Variants in ATP8B4 observed in about 807,000 individuals in gnomAD.
ATP8B4 encodes the protein ATPase phospholipid transporting 8B4 (putative).
In ATP8B4, 133 loss-of-function variants were observed where a neutral mutation model predicts 145.6. The ratio of observed to expected loss-of-function variants is 0.91; its 90% CI spans 0.79 to 1.05. ATP8B4 has a LOEUF of 1.05. Ranked by LOEUF, ATP8B4 falls within the 50% of genes least tolerant of loss-of-function variation. The pLI, the probability that ATP8B4 is intolerant of heterozygous loss-of-function variation, is 0.00. For missense variants in ATP8B4, 1,458 were observed against 1,425.2 expected (o/e 1.02, Z -0.37); for synonymous variants, 507 against 492.9 (o/e 1.03, Z -0.38).
At chr15:49,891,712 T>C (rs2036823247) in intron 23 of ATP8B4, among the ~76,000 whole-genome samples, 1 of 152,194 alleles carries the variant, frequency 6.6e-6, no homozygotes, top group Admixed American at 6.5e-5. Context: ...GAGTTTGTCC[T>C]TTTCATTATT....
chr15:50,086,145 ATATT>A (rs1335776522), intron 2 of ATP8B4, among the ~76,000 whole-genome samples: 1 of 75,494 alleles, frequency 1.3e-5, no homozygotes, highest in Admixed American at 1.8e-4. Flanking sequence ...AAATAGATCT[ATATT>A]TATTATATAT....
intron 1 of ATP8B4, among the ~76,000 whole-genome samples, chr15:50,142,951 T>C (rs2044232097): frequency 6.6e-6 from 1 of 152,218 alleles, no homozygotes; most frequent in Admixed American, 6.5e-5. Flanking sequence ...AGGCTCTGAC[T>C]ATGTATAATG....
At chr15:50,006,017 C>T (rs1025055854) in intron 7 of ATP8B4, among the ~76,000 whole-genome samples, 1 of 151,784 alleles carries the variant, frequency 6.6e-6, no homozygotes, top group Non-Finnish European at 1.5e-5. Context: ...AAAAATAAAC[C>T]AAATACCTCA....
chr15:50,133,005 T>C (rs920750737), intron 1 of ATP8B4, among the ~76,000 whole-genome samples: 1 of 151,856 alleles, frequency 6.6e-6, no homozygotes, highest in Admixed American at 6.6e-5. Context: ...GAATACCTAA[T>C]GTAGATGATG....
intron 24 of ATP8B4, among the ~76,000 whole-genome samples, chr15:49,877,870 T>C (rs1209975383): frequency 1.3e-5 from 2 of 152,162 alleles, no homozygotes; most frequent in African/African-American, 4.8e-5. Flanking sequence ...ACAATAGCAA[T>C]AATGTAGCAA....
chr15:50,028,338 G>C (rs2050166272), intron 6 of ATP8B4, among the ~76,000 whole-genome samples: 1 of 152,124 alleles, frequency 6.6e-6, no homozygotes, highest in African/African-American at 2.4e-5. Flanking sequence ...GCCTAACATG[G>C]AATAAGGAAA....
Position 49,923,475 on chromosome 15 carries a change from C to T in ATP8B4, c.1662G>A (p.Gln554=). 1.2e-6 allele frequency: 2 copies of T among 1,606,958 alleles called. No individual in the cohort carries two copies. Among genetic ancestry groups the T allele is most frequent in the South Asian group, 2.2e-5 (2 of 89,976 alleles). ...CTGCTCCTTTGGAATAAAGCTTTAT[C>T]TGTCCTTCTGGGTTTCGAACTGAAA... ...MSVIVRNPEG[Q]IKLYSKGADT... is the part of the protein sequence containing the mutation. Residue 554 remains glutamine, a synonymous_variant, in exon 17 of 28, where the codon CAG becomes CAA. Coordinates refer to ENST00000284509, the MANE Select transcript of ATP8B4 (RefSeq NM_024837.4).
At chr15:49,895,509 C>A (rs1407400136) in intron 23 of ATP8B4, 1 of 152,060 alleles carries the variant, frequency 6.6e-6, no homozygotes, top group Admixed American at 6.5e-5. Flanking sequence ...TGTAAAAAAA[C>A]AAAAGGGAAA....
intron 13 of ATP8B4, among the ~76,000 whole-genome samples, chr15:49,962,419 G>A (rs1463564780): frequency 1.3e-5 from 2 of 152,112 alleles, no homozygotes; most frequent in Non-Finnish European, 2.9e-5. Context: ...GCAGAACTTT[G>A]CCTATCTTGG....
At chr15:49,964,281 T>C (rs2153512895) in intron 13 of ATP8B4, among the ~76,000 whole-genome samples, 1 of 152,194 alleles carries the variant, frequency 6.6e-6, no homozygotes, top group South Asian at 2.1e-4. Flanking sequence ...TGTTATGCTC[T>C]AGTGGTTACC....
At chr15:50,148,845 T>C (rs757344259) in intron 1 of ATP8B4, among the ~76,000 whole-genome samples, 2 of 152,224 alleles carry the variant, frequency 1.3e-5, no homozygotes, top group Non-Finnish European at 2.9e-5. Context: ...AGTGTTATAA[T>C]TCTGTTGTAG....
Position 49,987,455 on chromosome 15 carries a change from C to A in ATP8B4, c.684G>T (p.Lys228Asn). ...TCAGGATGCAGCCTCTCAGGATTAT[C>A]TTCTCATTGTTGAGGGAATGCTTGC... ...KDSKHSLNNE[K>N]IILRGCILRN... is the part of the protein sequence containing the mutation. The change falls in exon 10 of 28, where the codon AAG becomes AAT. Residue 228 changes from lysine (K) to asparagine (N), a missense_variant. Physicochemically the swap from Lys to Asn is moderately conservative, Grantham distance 94. Transcript: ENST00000284509. 6.2e-7 allele frequency: 1 copy of A among 1,613,918 alleles called. No individual in the cohort carries two copies. The highest frequency in any genetic ancestry group is 8.5e-7 in the Non-Finnish European group (1 of 1,179,832).
rs1188262072 is a variant in ATP8B4, at chr15:49,901,122, A to G, written c.2259T>C (p.Asp753=). 6.2e-7 allele frequency: 1 copy of G among 1,613,530 alleles called. No homozygotes were observed. Among genetic ancestry groups the G allele is most frequent in the Middle Eastern group, 1.7e-4 (1 of 6,054 alleles). The change falls in exon 21 of 28, where the codon GAT becomes GAC. Residue 753 remains aspartate, a synonymous_variant. Transcript: ENST00000284509. ...DSIVEETITG[D]YALIINGHSL... ...TGTGGCCATTTATGATTAAGGCATA[A>G]TCTCCTGTTATGGTTTCTTCTACAA...
At chr15:50,024,758 TC>T (rs2049879176) in intron 6 of ATP8B4, among the ~76,000 whole-genome samples, 1 of 152,228 alleles carries the variant, frequency 6.6e-6, no homozygotes. Context: ...TCAAATCATA[TC>T]TTGAGCTCTG....
At chr15:50,110,477 T>C (rs553622350) in intron 1 of ATP8B4, among the ~76,000 whole-genome samples, 1 of 152,324 alleles carries the variant, frequency 6.6e-6, no homozygotes, top group African/African-American at 2.4e-5. Context: ...TCATCTTTCA[T>C]TGAACTTTTG....
chr15:50,077,518 C>T (rs1384518894), intron 2 of ATP8B4, among the ~76,000 whole-genome samples: 1 of 152,080 alleles, frequency 6.6e-6, no homozygotes. Context: ...CCAATGAGCC[C>T]AGAGCAGCTC....
intron 9 of ATP8B4, among the ~76,000 whole-genome samples, chr15:49,989,010 G>A (rs2046850711): frequency 6.6e-6 from 1 of 152,136 alleles, no homozygotes; most frequent in South Asian, 2.1e-4. Flanking sequence ...ACTGCCTGAA[G>A]CCTCCCCACT....
intron 23 of ATP8B4, among the ~76,000 whole-genome samples, chr15:49,890,354 G>T (rs1435577527): frequency 6.6e-6 from 1 of 152,206 alleles, no homozygotes; most frequent in African/African-American, 2.4e-5. Flanking sequence ...GCCAGGCCTT[G>T]GAGTTATTAC....
At chr15:50,156,550 C>T (rs2044423429) in intron 1 of ATP8B4, among the ~76,000 whole-genome samples, 1 of 151,918 alleles carries the variant, frequency 6.6e-6, no homozygotes. Flanking sequence ...TATTTCAACA[C>T]CAGAAGAAAG....
Sources: gnomAD v4.1 joint callset for allele counts (sites outside exome capture counted in the v4.1 genomes callset) on GRCh38, gnomAD v4.1.1 for gene constraint, MANE v1.5 for transcripts, NCBI Gene and HGNC (gene_info 2026-07-23, HGNC 2026-07-21) for gene names.